Variants in PDE4D observed in about 807,000 individuals in gnomAD.
The protein encoded by PDE4D is 3',5'-cyclic-AMP phosphodiesterase 4D.
Under a neutral mutation model 87.4 loss-of-function variants are expected in PDE4D, and 24 were observed. The observed-to-expected ratio is 0.27, with a 90% CI of 0.20 to 0.39. The LOEUF is 0.39. Among genes scored for constraint, PDE4D ranks in the 10% least tolerant of loss-of-function variants. PDE4D has a pLI of 1.00. For missense variants in PDE4D, 714 were observed against 1,041.0 expected, an observed-to-expected ratio of 0.69 and a Z score of 4.32; for synonymous variants, 384 against 383.2, an observed-to-expected ratio of 1.00 and a Z score of -0.02.
At chr5:59,451,055 T>TA in intron 1 of PDE4D, among the ~76,000 whole-genome samples, 1 of 152,346 alleles carries the variant, frequency 6.6e-6, no homozygotes. Context: ...CCTTTGTACT[T>TA]ACACCTCAAC....
chr5:60,122,392 T>A (rs1778769377), intron 2 of PDE4D, among the ~76,000 whole-genome samples: 1 of 152,254 alleles, frequency 6.6e-6, no homozygotes, highest in Non-Finnish European at 1.5e-5. Context: ...TGCCTGGGCA[T>A]CCAGGCATTT....
chr5:59,323,686 C>T (rs1775116837), intron 1 of PDE4D, among the ~76,000 whole-genome samples: 1 of 152,072 alleles, frequency 6.6e-6, no homozygotes, highest in Non-Finnish European at 1.5e-5. Context: ...TAAAGCCCTT[C>T]ACCACTCTTT....
At chr5:59,727,483 T>A (rs968103477) in intron 1 of PDE4D, among the ~76,000 whole-genome samples, 1 of 152,110 alleles carries the variant, frequency 6.6e-6, no homozygotes, top group Admixed American at 6.6e-5. Context: ...AATGAGAACA[T>A]CCAATTACTC....
At chr5:59,395,521 C>T (rs1026563163) in intron 1 of PDE4D, among the ~76,000 whole-genome samples, 2 of 152,016 alleles carry the variant, frequency 1.3e-5, no homozygotes, top group South Asian at 2.1e-4. Flanking sequence ...AGCTGAGGGT[C>T]CTGTCTGTTA....
chr5:59,771,470 A>AGAGAGAGAGAGAGAGAGAG (rs1491378347), intron 1 of PDE4D, among the ~76,000 whole-genome samples: 3 of 92,408 alleles, frequency 3.2e-5, no homozygotes, highest in African/African-American at 1.5e-4. Context: ...AGAAAGAAAG[A>AGAGAGAGAGAGAGAGAGAG]AAGAAAGAAA....
intron 1 of PDE4D, among the ~76,000 whole-genome samples, chr5:59,670,464 T>G (rs1561445372): frequency 6.6e-6 from 1 of 152,240 alleles, no homozygotes; most frequent in Non-Finnish European, 1.5e-5. Flanking sequence ...AAAACTTTGT[T>G]TCACGTACGA....
chr5:60,396,422 G>A (rs1029004358), intron 1 of PDE4D, among the ~76,000 whole-genome samples: 1 of 152,156 alleles, frequency 6.6e-6, no homozygotes, highest in South Asian at 2.1e-4. Flanking sequence ...TCTTCTCATG[G>A]GGCTAGAAGG....
chr5:59,773,663 T>G (rs1376255594), intron 1 of PDE4D, among the ~76,000 whole-genome samples: 1 of 152,164 alleles, frequency 6.6e-6, no homozygotes, highest in Non-Finnish European at 1.5e-5. Flanking sequence ...GTTTTCCACT[T>G]AGCCAAATAA....
At chr5:59,784,577 A>G (rs1764964952) in intron 1 of PDE4D, among the ~76,000 whole-genome samples, 1 of 152,232 alleles carries the variant, frequency 6.6e-6, no homozygotes, top group South Asian at 2.1e-4. Flanking sequence ...TTGGGTTGCT[A>G]TTAACATAGG....
chr5:59,027,333 T>G (rs1756425859), intron 6 of PDE4D, among the ~76,000 whole-genome samples: 1 of 152,212 alleles, frequency 6.6e-6, no homozygotes, highest in African/African-American at 2.4e-5. Context: ...CTGGCTGAAG[T>G]AGTGATAGGT....
intron 1 of PDE4D, among the ~76,000 whole-genome samples, chr5:59,689,184 G>A (rs535706099): frequency 2.9e-4 from 44 of 152,052 alleles, no homozygotes; most frequent in African/African-American, 7.2e-4. Context: ...TATTCCAATC[G>A]ATAGAAAAAG....
rs777359745 is a variant in PDE4D, at chr5:58,975,050, G to A, written c.2044C>T (p.Leu682Phe). Residue 682 changes from leucine to phenylalanine, a missense_variant, in exon 15 of 15, where the codon CTC becomes TTC. Physicochemically the swap from Leu to Phe is conservative, Grantham distance 22. Transcript: ENST00000340635. The surrounding 1 kb of genome is among the most constrained non-coding windows in gnomAD (Gnocchi z 4.2). ...ACGAGGTCTGCCCATGTCTCCCAGA[G>A]GGGATGAACAATATAGTCTATGAAG... ...VGFIDYIVHPLWETWADLVHP... is the reference protein window; with the variant it reads ...VGFIDYIVHPFWETWADLVHP... 3.8e-6 allele frequency: 6 copies of A among 1,573,390 alleles called. No homozygotes were observed. Among genetic ancestry groups the A allele is most frequent in the Non-Finnish European group, 5.2e-6 (6 of 1,155,204 alleles).
chr5:59,623,657 T>A (rs1830579304), intron 1 of PDE4D, among the ~76,000 whole-genome samples: 1 of 152,206 alleles, frequency 6.6e-6, no homozygotes, highest in African/African-American at 2.4e-5. Context: ...CCTGACCTTT[T>A]ATAAACCTTG....
chr5:59,436,188 A>T (rs1489893683), intron 1 of PDE4D, among the ~76,000 whole-genome samples: 1 of 152,178 alleles, frequency 6.6e-6, no homozygotes, highest in Non-Finnish European at 1.5e-5. Context: ...CATATATTAC[A>T]CTTTGCAGTC....
At chr5:59,241,323 G>A (rs1757625868) in intron 1 of PDE4D, among the ~76,000 whole-genome samples, 1 of 152,116 alleles carries the variant, frequency 6.6e-6, no homozygotes, top group Non-Finnish European at 1.5e-5. Flanking sequence ...CTGAGGAGTG[G>A]CAACTGTGCC....
intron 1 of PDE4D, chr5:59,768,183 C>A: frequency 6.4e-7 from 1 of 1,566,386 alleles, no homozygotes; most frequent in South Asian, 1.2e-5. Flanking sequence ...AAATTAAAGG[C>A]GCGAGAGCAG....
chr5:59,578,989 A>C (rs1823627857), intron 1 of PDE4D, among the ~76,000 whole-genome samples: 1 of 146,978 alleles, frequency 6.8e-6, no homozygotes, highest in Non-Finnish European at 1.5e-5. Context: ...AAATTTTGAA[A>C]GAAGTAGTTT....
chr5:59,340,524 G>A (rs1359976346), intron 1 of PDE4D, among the ~76,000 whole-genome samples: 4 of 151,948 alleles, frequency 2.6e-5, no homozygotes, highest in African/African-American at 9.7e-5. Context: ...TTTATCCTTT[G>A]TGTTACAAAC....
chr5:59,725,387 G>A (rs1439169643), intron 1 of PDE4D, among the ~76,000 whole-genome samples: 1 of 151,996 alleles, frequency 6.6e-6, no homozygotes, highest in Non-Finnish European at 1.5e-5. Context: ...TAAACACATT[G>A]TAGATATTCA....
Sources: gnomAD v4.1 joint callset for allele counts (sites outside exome capture counted in the v4.1 genomes callset) on GRCh38, gnomAD v4.1.1 for gene constraint, Gnocchi (gnomAD v3.1) non-coding constraint, MANE v1.5 for transcripts, NCBI Gene and HGNC (gene_info 2026-07-23, HGNC 2026-07-21) for gene names.